KLHL29: variants seen among roughly 807,000 people sequenced by gnomAD.
The protein encoded by KLHL29 is kelch like family member 29, also known as kelch-like protein 29.
KLHL29 carries 21 observed loss-of-function variants against 80.4 expected under a neutral mutation model. The ratio of observed to expected loss-of-function variants is 0.26; its 90% CI spans 0.19 to 0.38. KLHL29 has a LOEUF of 0.38. KLHL29 is among the 10% of genes least tolerant of loss of function. The pLI is 1.00. For missense variants in KLHL29, 867 were observed against 1,223.9 expected (o/e 0.71, Z 4.35); for synonymous variants, 511 against 526.8 (o/e 0.97, Z 0.41).
intron 1 of KLHL29, among the ~76,000 whole-genome samples, chr2:23,389,150 G>T (rs576564435): frequency 6.6e-6 from 1 of 152,098 alleles, no homozygotes; most frequent in Admixed American, 6.5e-5. Context: ...TTTCAGAACA[G>T]CAGAGGATTT....
At chr2:23,419,974 T>G (rs1304488550) in intron 1 of KLHL29, among the ~76,000 whole-genome samples, 1 of 152,160 alleles carries the variant, frequency 6.6e-6, no homozygotes, top group Non-Finnish European at 1.5e-5. Context: ...ATGTAACACA[T>G]CACAAAGGTT....
intron 1 of KLHL29, among the ~76,000 whole-genome samples, chr2:23,432,077 ATC>A (rs1663198563): frequency 6.6e-6 from 1 of 152,156 alleles, no homozygotes; most frequent in Admixed American, 6.6e-5. Context: ...AGTTTCCTCA[ATC>A]TCTTTCTTGT....
At chr2:23,631,412 A>T (rs1036971724) in intron 3 of KLHL29, among the ~76,000 whole-genome samples, 4 of 152,272 alleles carry the variant, frequency 2.6e-5, no homozygotes, top group Non-Finnish European at 4.4e-5. Flanking sequence ...AAAGGTAAGC[A>T]CTGGTCCTTT....
chr2:23,572,405 A>G (rs1667736980), intron 3 of KLHL29, among the ~76,000 whole-genome samples: 1 of 152,126 alleles, frequency 6.6e-6, no homozygotes, highest in Non-Finnish European at 1.5e-5. Context: ...TTCCTATAAT[A>G]ATTTTTGCTT....
At chr2:23,693,093 G>A (rs1671724771) in intron 7 of KLHL29, among the ~76,000 whole-genome samples, 176 bp from the exon 8 acceptor site, 1 of 150,482 alleles carries the variant, frequency 6.6e-6, no homozygotes, top group Admixed American at 6.6e-5. Flanking sequence ...GGAGAACCCA[G>A]GAGAAGGATC....
chr2:23,701,314 A>G (rs1290847107), intron 11 of KLHL29, among the ~76,000 whole-genome samples: 2 of 152,144 alleles, frequency 1.3e-5, no homozygotes, highest in African/African-American at 2.4e-5. Context: ...GACTAGTCCA[A>G]CTAGTCTCCC....
intron 2 of KLHL29, among the ~76,000 whole-genome samples, chr2:23,558,666 A>T (rs889639152): frequency 7.2e-5 from 11 of 152,170 alleles, no homozygotes; most frequent in Admixed American, 6.5e-5. Flanking sequence ...GGCCTCCCAA[A>T]GTTCTGGGAT....
At chr2:23,514,133 T>C (rs749926005) in intron 2 of KLHL29, among the ~76,000 whole-genome samples, 15 of 152,226 alleles carry the variant, frequency 9.9e-5, no homozygotes, top group Non-Finnish European at 1.5e-5. Context: ...TGTATTCCTT[T>C]ATGCAGTGCG....
chr2:23,430,816 A>G (rs1234346707), intron 1 of KLHL29, among the ~76,000 whole-genome samples: 1 of 152,206 alleles, frequency 6.6e-6, no homozygotes. Context: ...CATTTGGTCC[A>G]GCCTTTCCAT....
At chr2:23,438,033 G>T (rs1181561563) in intron 1 of KLHL29, among the ~76,000 whole-genome samples, 1 of 151,746 alleles carries the variant, frequency 6.6e-6, no homozygotes, top group African/African-American at 2.4e-5. Flanking sequence ...CACATCCCTT[G>T]TAAGTTGGAT....
intron 3 of KLHL29, among the ~76,000 whole-genome samples, chr2:23,591,948 C>G (rs1668273783): frequency 6.6e-6 from 1 of 152,264 alleles, no homozygotes; most frequent in Admixed American, 6.5e-5. Flanking sequence ...TTCCTGAAGT[C>G]TTTCTTGCCA....
At chr2:23,701,522 G>A (rs1672364381) in intron 11 of KLHL29, among the ~76,000 whole-genome samples, 1 of 152,176 alleles carries the variant, frequency 6.6e-6, no homozygotes, top group East Asian at 1.9e-4. Context: ...AGACCAGCCT[G>A]GGCAACATAG....
intron 3 of KLHL29, among the ~76,000 whole-genome samples, chr2:23,613,779 A>AAAAAAAAAAAAC (rs1558408713): frequency 2.7e-5 from 4 of 149,910 alleles, no homozygotes; most frequent in African/African-American, 9.8e-5. Flanking sequence ...AAAAAAAAAA[A>AAAAAAAAAAAAC]AAAAAAAAAA....
At chr2:23,479,833 G>A (rs1436713795) in intron 2 of KLHL29, among the ~76,000 whole-genome samples, 1 of 152,172 alleles carries the variant, frequency 6.6e-6, no homozygotes, top group Non-Finnish European at 1.5e-5. Context: ...GCTCACTGAG[G>A]ACAGGGATCA....
rs137987064 is a variant in KLHL29 at position 23,482,941 on chromosome 2, T to G, written c.-46+7274T>G. Among the ~76,000 whole-genome samples, 99 of 152,356 alleles carry G rather than the reference T, an allele frequency of 6.5e-4. 2 individuals are homozygous for G. In the East Asian group the frequency reaches 0.016, roughly 24 times the overall value. On this transcript the variant is annotated intron_variant, in intron 2 of 13. Coordinates refer to ENST00000486442, the MANE Select transcript of KLHL29 (RefSeq NM_052920.2). The stretch of plus-strand genomic sequence containing the variant: ...ATCCAGAGAGGTCAGACTTTCGCCC[T>G]GCCTGCAAGGAGCTCTCAGTCCGGT...
intron 1 of KLHL29, among the ~76,000 whole-genome samples, chr2:23,400,792 C>T (rs1378701591): frequency 6.6e-6 from 1 of 152,168 alleles, no homozygotes; most frequent in Non-Finnish European, 1.5e-5. Context: ...CAAGATTGCA[C>T]CACTGCGCTC....
At chr2:23,454,266 C>T (rs1351614908) in intron 1 of KLHL29, among the ~76,000 whole-genome samples, 1 of 151,980 alleles carries the variant, frequency 6.6e-6, no homozygotes, top group African/African-American at 2.4e-5. Flanking sequence ...ACAGCCTTGC[C>T]TCAGAACTCA....
At chr2:23,510,385 A>G (rs1424720521) in intron 2 of KLHL29, among the ~76,000 whole-genome samples, 1 of 152,148 alleles carries the variant, frequency 6.6e-6, no homozygotes, top group Non-Finnish European at 1.5e-5. Flanking sequence ...CCCTTAGCTC[A>G]GCCCCAGTTG....
At chr2:23,431,357 A>G (rs1052487152) in intron 1 of KLHL29, among the ~76,000 whole-genome samples, 4 of 152,216 alleles carry the variant, frequency 2.6e-5, no homozygotes, top group South Asian at 2.1e-4. Flanking sequence ...GGAAGGAAAT[A>G]TGCCTGGAGG....
Sources: gnomAD v4.1 joint callset for allele counts (sites outside exome capture counted in the v4.1 genomes callset) on GRCh38, gnomAD v4.1.1 for gene constraint, MANE v1.5 for transcripts, NCBI Gene and HGNC (gene_info 2026-07-23, HGNC 2026-07-21) for gene names.